CCDC91: variants seen among roughly 807,000 people sequenced by gnomAD.
CCDC91 encodes coiled-coil domain containing 91.
CCDC91 carries 48 observed loss-of-function variants against 63.2 expected under a neutral mutation model. The ratio of observed to expected loss-of-function variants is 0.76; its 90% CI spans 0.60 to 0.97. The LOEUF is 0.97. Ranked by LOEUF, CCDC91 falls within the 50% of genes least tolerant of loss-of-function variation. CCDC91 has a pLI of 0.00. For missense variants in CCDC91, 500 were observed against 494.6 expected, an observed-to-expected ratio of 1.01 and a Z score of -0.10; for synonymous variants, 167 against 165.8, an observed-to-expected ratio of 1.01 and a Z score of -0.06.
intron 6 of CCDC91, among the ~76,000 whole-genome samples, chr12:28,352,834 T>C (rs1565842972): frequency 1.3e-5 from 2 of 152,196 alleles, no homozygotes; most frequent in Admixed American, 6.5e-5. Flanking sequence ...ATTTTGTAGA[T>C]GGTAAGTGAG....
chr12:28,235,468 G>A (rs1463111507), intron 1 of CCDC91, among the ~76,000 whole-genome samples: 1 of 152,004 alleles, frequency 6.6e-6, no homozygotes, highest in South Asian at 2.1e-4. Context: ...ACTAGAGAGA[G>A]TAAAACTGAC....
chr12:28,411,019 T>C (rs1478001983), intron 8 of CCDC91, among the ~76,000 whole-genome samples: 2 of 152,196 alleles, frequency 1.3e-5, no homozygotes, highest in Non-Finnish European at 2.9e-5. Flanking sequence ...TATATGTCTT[T>C]GTTATTTTTG....
rs972266788 is a variant in CCDC91 at position 28,316,796 on chromosome 12, A to G, written c.576+9047A>G. On this transcript the variant is annotated intron_variant, in intron 6 of 12. Transcript: ENST00000536442. ...AAAAAATATAGTGGCAACATTTTAT[A>G]ATTTTCTGACTTCATTTACTTCTTC... 4.5e-4 allele frequency among the ~76,000 whole-genome samples: 68 copies of G among 151,588 alleles called. 1 individual carries two copies. Among genetic ancestry groups the G allele is most frequent in the Non-Finnish European group, 1.8e-4 (12 of 67,842 alleles).
chr12:28,466,902 A>G (rs930668727), intron 11 of CCDC91, among the ~76,000 whole-genome samples: 1 of 152,164 alleles, frequency 6.6e-6, no homozygotes, highest in African/African-American at 2.4e-5. Flanking sequence ...TAATGACTAC[A>G]AGAAGTTTTC....
At chr12:28,462,864 G>C (rs1328658153) in intron 11 of CCDC91, among the ~76,000 whole-genome samples, 6 of 152,100 alleles carry the variant, frequency 3.9e-5, no homozygotes, top group African/African-American at 1.4e-4. Flanking sequence ...TTGTGATGTA[G>C]AAAGCCTGGA....
rs1162188158 is a variant in CCDC91, at chr12:28,255,366, T to G, written c.-14-1836T>G. On this transcript the variant is annotated intron_variant, in intron 1 of 12. Coordinates refer to ENST00000536442, the MANE Select transcript of CCDC91 (RefSeq NM_018318.5). ...TAGATGCTAAAAATTTTTTGTTTCT[T>G]CAGATTCATGGGATACATGTGGAAG... 5.3e-5 allele frequency among the ~76,000 whole-genome samples: 8 copies of G among 152,312 alleles called. 1 individual carries two copies. In the South Asian group the frequency reaches 1.7e-3, roughly 32 times the overall value.
At chr12:28,454,823 G>A (rs1443255635) in intron 11 of CCDC91, among the ~76,000 whole-genome samples, 4 of 152,024 alleles carry the variant, frequency 2.6e-5, no homozygotes, top group Admixed American at 6.6e-5. Context: ...TGAGAGTTAG[G>A]TCTTGAGTTT....
chr12:28,233,238 TTTCTCCATACCA>T (rs1190402308), intron 1 of CCDC91, among the ~76,000 whole-genome samples: 3 of 152,130 alleles, frequency 2.0e-5, no homozygotes, highest in Non-Finnish European at 4.4e-5. Context: ...GTAGTCTATC[TTTCTCCATACCA>T]TTCTCCCCCA....
intron 12 of CCDC91, among the ~76,000 whole-genome samples, chr12:28,544,229 T>G (rs1452911372): frequency 6.6e-6 from 1 of 151,822 alleles, no homozygotes; most frequent in Non-Finnish European, 1.5e-5. Context: ...CCAATCTTAA[T>G]GGATTTCTTA....
chr12:28,225,347 A>G (rs1369847417), intron 1 of CCDC91, among the ~76,000 whole-genome samples: 1 of 152,160 alleles, frequency 6.6e-6, no homozygotes, highest in African/African-American at 2.4e-5. Context: ...TCTTCATCAT[A>G]TTAAGGTAAT....
intron 1 of CCDC91, among the ~76,000 whole-genome samples, chr12:28,246,409 C>T (rs574475419): frequency 6.6e-6 from 1 of 152,214 alleles, no homozygotes; most frequent in South Asian, 2.1e-4. Flanking sequence ...AGAGCACATT[C>T]TTGTGCCTTG....
chr12:28,196,369 T>G (rs11049439), intron 1 of CCDC91, among the ~76,000 whole-genome samples: 39,670 of 152,142 alleles, frequency 0.26, 5,434 homozygotes, highest in Non-Finnish European at 0.31. Flanking sequence ...TTCTAGTAGC[T>G]TTTGTAGCTA....
At chr12:28,260,259 C>G (rs1165772369) in intron 3 of CCDC91, among the ~76,000 whole-genome samples, 1 of 151,890 alleles carries the variant, frequency 6.6e-6, no homozygotes, top group Admixed American at 6.6e-5. Context: ...CATACCTGAT[C>G]TGAGTCAAGT....
intron 8 of CCDC91, among the ~76,000 whole-genome samples, chr12:28,403,832 T>G (rs2139565415): frequency 6.6e-6 from 1 of 152,270 alleles, no homozygotes; most frequent in South Asian, 2.1e-4. Context: ...TAGTATTCTT[T>G]TATTTTTCTT....
At chr12:28,200,942 C>T (rs1430695869) in intron 1 of CCDC91, among the ~76,000 whole-genome samples, 21 of 146,346 alleles carry the variant, frequency 1.4e-4, no homozygotes, top group African/African-American at 3.4e-4. Flanking sequence ...GGCGGCTGGC[C>T]GGGCAGGGGG....
chr12:28,221,025 CT>C (rs1943904441), intron 1 of CCDC91, among the ~76,000 whole-genome samples: 1 of 152,038 alleles, frequency 6.6e-6, no homozygotes. Flanking sequence ...ATAATTTCTT[CT>C]GTATCTTCCC....
intron 6 of CCDC91, among the ~76,000 whole-genome samples, chr12:28,328,865 A>G (rs917130915): frequency 3.3e-5 from 5 of 152,030 alleles, no homozygotes; most frequent in African/African-American, 4.8e-5. Context: ...ACACTCAGCT[A>G]TAGGATAGTT....
intron 8 of CCDC91, among the ~76,000 whole-genome samples, chr12:28,430,150 G>A (rs1165526749): frequency 6.6e-6 from 1 of 151,920 alleles, no homozygotes; most frequent in Non-Finnish European, 1.5e-5. Flanking sequence ...AGTGGGAAAT[G>A]TATGATTAAA....
intron 1 of CCDC91, among the ~76,000 whole-genome samples, chr12:28,219,220 G>A (rs942344879): frequency 6.6e-6 from 1 of 151,958 alleles, no homozygotes; most frequent in Admixed American, 6.6e-5. Flanking sequence ...GTCTTTTCAT[G>A]TGCTTAATTG....
Sources: gnomAD v4.1 joint callset for allele counts (sites outside exome capture counted in the v4.1 genomes callset) on GRCh38, gnomAD v4.1.1 for gene constraint, MANE v1.5 for transcripts, NCBI Gene and HGNC (gene_info 2026-07-23, HGNC 2026-07-21) for gene names.